NPAS3: variants seen among roughly 807,000 people sequenced by gnomAD.
NPAS3 encodes the protein neuronal PAS domain-containing protein 3.
A neutral mutation model predicts 73.1 loss-of-function variants in NPAS3; 14 were observed. The observed-to-expected ratio is 0.19, with a 90% CI of 0.13 to 0.30. The LOEUF is 0.30. NPAS3 is among the 10% of genes least tolerant of loss of function. The probability of loss-of-function intolerance (pLI) is 1.00; values close to 1 mark genes in which losing one functional copy is unlikely to be tolerated. For synonymous variants in NPAS3, 620 were observed against 541.5 expected, an observed-to-expected ratio of 1.14 and a Z score of -2.01; for missense variants, 1,096 against 1,250.0, an observed-to-expected ratio of 0.88 and a Z score of 1.86.
intron 9 of NPAS3, among the ~76,000 whole-genome samples, chr14:33,793,569 A>G (rs1330735862): frequency 6.6e-6 from 1 of 152,242 alleles, no homozygotes; most frequent in African/African-American, 2.4e-5. Context: ...ATCTGATGTC[A>G]AATCCATTGA....
intron 3 of NPAS3, among the ~76,000 whole-genome samples, chr14:33,331,690 T>TAAAC (rs1232654734): frequency 6.6e-6 from 1 of 152,202 alleles, no homozygotes; most frequent in Non-Finnish European, 1.5e-5. Context: ...AAGCTAAGCA[T>TAAAC]AAACAAAATC....
At chr14:33,255,853 C>T (rs1041952139) in intron 3 of NPAS3, among the ~76,000 whole-genome samples, 3 of 152,068 alleles carry the variant, frequency 2.0e-5, no homozygotes, top group Non-Finnish European at 4.4e-5. Flanking sequence ...GAGAGAGTCT[C>T]GTATCTATGG....
intron 2 of NPAS3, among the ~76,000 whole-genome samples, chr14:33,165,751 C>T (rs1263953825): frequency 6.6e-6 from 1 of 151,510 alleles, no homozygotes; most frequent in Non-Finnish European, 1.5e-5. Context: ...AAAGAATGTG[C>T]ACCATTTACC....
intron 10 of NPAS3, among the ~76,000 whole-genome samples, chr14:33,795,026 A>G (rs146541098): frequency 1.3e-5 from 2 of 152,338 alleles, no homozygotes; most frequent in Admixed American, 6.5e-5. Context: ...TTAGACAGGG[A>G]GTACCTGAAT....
At chr14:33,259,332 C>G (rs1052846730) in intron 3 of NPAS3, among the ~76,000 whole-genome samples, 5 of 152,148 alleles carry the variant, frequency 3.3e-5, no homozygotes, top group African/African-American at 1.2e-4. Context: ...AAAAGTGTCA[C>G]TGACCACCCA....
intron 6 of NPAS3, among the ~76,000 whole-genome samples, chr14:33,727,849 C>T (rs1273355088): frequency 6.6e-6 from 1 of 152,122 alleles, no homozygotes; most frequent in East Asian, 1.9e-4. Context: ...CAAGTGGCAA[C>T]ATTTATAGGG....
At chr14:33,675,772 A>C (rs773126658) in intron 5 of NPAS3, among the ~76,000 whole-genome samples, 5 of 152,218 alleles carry the variant, frequency 3.3e-5, no homozygotes, top group Non-Finnish European at 7.3e-5. Context: ...TTTAAGGAAA[A>C]CACTCGACTG....
intron 3 of NPAS3, among the ~76,000 whole-genome samples, chr14:33,340,737 T>TTG: frequency 6.6e-6 from 1 of 152,322 alleles, no homozygotes; most frequent in South Asian, 2.1e-4. Flanking sequence ...TGCTAATGGG[T>TTG]TGTTTCTACA....
Position 33,800,554 on chromosome 14 carries a change from C to G in NPAS3, c.2247C>G (p.Pro749=). The G allele has an allele frequency of 7.5e-7, 1 of 1,333,360 alleles. No homozygotes were observed. The highest frequency in any genetic ancestry group is 1.6e-5 in the African/African-American group (1 of 64,468). The allele number at this position is 1,333,360 out of a possible 1,614,324, so 82.6% of individuals were successfully genotyped here. ...CCGTCGCCTCCGACCCGCTGTCACCCCCGCTCTCGGCGTCCCCGCGGGACA... is the reference window on the plus strand; with the variant it reads ...CCGTCGCCTCCGACCCGCTGTCACCGCCGCTCTCGGCGTCCCCGCGGGACA... Residue 749 remains proline (P), a synonymous_variant, in exon 12 of 12, where the codon CCC becomes CCG. Coordinates refer to ENST00000356141, the Ensembl canonical transcript of NPAS3. This position sits in a 1 kb window ranked among gnomAD's most constrained non-coding sequence, Gnocchi z 6.5.
chr14:33,290,283 A>G (rs958109164), intron 3 of NPAS3, among the ~76,000 whole-genome samples: 7 of 152,136 alleles, frequency 4.6e-5, no homozygotes, highest in African/African-American at 1.7e-4. Flanking sequence ...TTTTCATTCC[A>G]GGATTGTATT....
intron 3 of NPAS3, among the ~76,000 whole-genome samples, chr14:33,229,681 A>G (rs2047773200): frequency 6.6e-6 from 1 of 151,946 alleles, no homozygotes; most frequent in Non-Finnish European, 1.5e-5. Flanking sequence ...GTTCTGTACA[A>G]TGTGGCTTTC....
chr14:33,053,237 A>G (rs898222728), intron 1 of NPAS3, among the ~76,000 whole-genome samples: 5 of 152,186 alleles, frequency 3.3e-5, no homozygotes, highest in Non-Finnish European at 5.9e-5. Context: ...AGTTGCTTCT[A>G]GTTTGCATTT....
chr14:33,446,166 C>CTTTTTTTTTTTT (rs71118544), intron 4 of NPAS3, among the ~76,000 whole-genome samples: 6 of 120,002 alleles, frequency 5.0e-5, no homozygotes, highest in African/African-American at 1.9e-4. Context: ...TTCATGCTTT[C>CTTTTTTTTTTTT]TTTTTTTTTT....
At chr14:33,629,872 A>G (rs907008063) in intron 5 of NPAS3, among the ~76,000 whole-genome samples, 1 of 152,178 alleles carries the variant, frequency 6.6e-6, no homozygotes, top group South Asian at 2.1e-4. Context: ...TAGATAGCTC[A>G]TGATTAAAAT....
At chr14:33,414,754 C>T (rs2048077958) in intron 4 of NPAS3, among the ~76,000 whole-genome samples, 1 of 152,098 alleles carries the variant, frequency 6.6e-6, no homozygotes, top group Non-Finnish European at 1.5e-5. Flanking sequence ...AACTTGAAGG[C>T]ACTGGGGTTA....
intron 3 of NPAS3, among the ~76,000 whole-genome samples, chr14:33,259,626 T>C (rs765734851): frequency 2.0e-5 from 3 of 152,120 alleles, no homozygotes; most frequent in Non-Finnish European, 2.9e-5. Context: ...GGGAGACATA[T>C]TGTAAGTCAT....
chr14:33,730,747 A>G (rs2061378349), intron 6 of NPAS3, among the ~76,000 whole-genome samples: 1 of 152,232 alleles, frequency 6.6e-6, no homozygotes, highest in Non-Finnish European at 1.5e-5. Flanking sequence ...CTAAAGTCCT[A>G]AACTGCATCC....
rs113709536 is a variant in NPAS3 at position 33,053,540 on chromosome 14, C to T, written c.51-2365C>T. ...ATTGAAAGGCATATTTGAACTTTTTCCTGGCAGTGTTTAACCTTTAAAAAC... is the reference window on the plus strand; with the variant it reads ...ATTGAAAGGCATATTTGAACTTTTTTCTGGCAGTGTTTAACCTTTAAAAAC... On this transcript the variant is annotated intron_variant, in intron 1 of 11. Coordinates refer to ENST00000356141, the Ensembl canonical transcript of NPAS3. 5.5e-3 allele frequency among the ~76,000 whole-genome samples: 842 copies of T among 152,280 alleles called. 9 individuals carry two copies. The highest frequency in any genetic ancestry group is 0.019 in the African/African-American group (783 of 41,564).
chr14:33,183,421 G>GTT lies in NPAS3; in HGVS notation c.141-31726_141-31725dup, dbSNP rs55643715. ...AGCCTGGGCGACAGAGTGAGACTCTGTTTTTTTTTTTTTTTTTTTTTTTTT... is the reference window on the plus strand; with the variant it reads ...AGCCTGGGCGACAGAGTGAGACTCTGTTTTTTTTTTTTTTTTTTTTTTTTTTT... On this transcript the variant is annotated intron_variant, in intron 2 of 11. Coordinates refer to ENST00000356141, the Ensembl canonical transcript of NPAS3. Among the ~76,000 whole-genome samples, 53 of 60,776 alleles carry GTT rather than the reference G, an allele frequency of 8.7e-4. 3 individuals are homozygous for GTT. The highest frequency in any genetic ancestry group is 1.8e-3 in the East Asian group (4 of 2,164). 39.9% of individuals were successfully genotyped at this position (60,776 alleles called of 152,430 possible). A position where few individuals can be genotyped will look rare whatever the true frequency, so the allele number is the denominator to read the frequency against.
Sources: allele counts gnomAD v4.1 joint callset (sites outside exome capture counted in the v4.1 genomes callset), GRCh38; gene constraint gnomAD v4.1.1; non-coding constraint Gnocchi (gnomAD v3.1); transcripts MANE v1.5; gene names NCBI Gene and HGNC (gene_info 2026-07-23, HGNC 2026-07-21).